Variants in SUGCT observed in about 807,000 individuals in gnomAD.
SUGCT encodes the protein succinyl-CoA:glutarate-CoA transferase.
A neutral mutation model predicts 55.0 loss-of-function variants in SUGCT; 41 were observed. That is an observed-to-expected ratio of 0.74 (90% CI 0.58 to 0.97). The LOEUF (loss-of-function observed/expected upper bound fraction) is 0.97. SUGCT is among the 50% of genes least tolerant of loss of function. The probability of loss-of-function intolerance (pLI) is 0.00; values close to 1 mark genes in which losing one functional copy is unlikely to be tolerated. For synonymous variants in SUGCT, 187 were observed against 200.4 expected, an observed-to-expected ratio of 0.93 and a Z score of 0.56; for missense variants, 568 against 547.8, an observed-to-expected ratio of 1.04 and a Z score of -0.37.
At chr7:40,694,884 G>A (rs1011721726) in intron 12 of SUGCT, among the ~76,000 whole-genome samples, 4 of 152,182 alleles carry the variant, frequency 2.6e-5, no homozygotes, top group Non-Finnish European at 5.9e-5. Flanking sequence ...TTTACACCAA[G>A]TGGCTAGAGA....
At chr7:40,844,753 C>T (rs934387414) in intron 13 of SUGCT, among the ~76,000 whole-genome samples, 9 of 152,248 alleles carry the variant, frequency 5.9e-5, no homozygotes, top group Non-Finnish European at 1.2e-4. Context: ...TCCCTGCCTC[C>T]TGTCTGTATC....
intron 9 of SUGCT, among the ~76,000 whole-genome samples, chr7:40,408,598 T>C (rs1346984032): frequency 6.6e-6 from 1 of 152,162 alleles, no homozygotes; most frequent in African/African-American, 2.4e-5. Flanking sequence ...ATCTCAGATT[T>C]ATAGAATTTT....
intron 9 of SUGCT, among the ~76,000 whole-genome samples, chr7:40,355,717 A>C (rs964601892): frequency 6.6e-5 from 10 of 152,240 alleles, no homozygotes; most frequent in African/African-American, 2.2e-4. Flanking sequence ...TGGGAGGATT[A>C]TATTTCACTT....
chr7:40,996,523 A>G, the SUGCT span, among the ~76,000 whole-genome samples: 37 of 152,302 alleles, frequency 2.4e-4, 1 homozygote, highest in South Asian at 7.7e-3. Flanking sequence ...GGCTGAAGGA[A>G]TGTTCCTTGA....
chr7:40,392,682 A>G (rs1785509148), intron 9 of SUGCT, among the ~76,000 whole-genome samples: 1 of 152,260 alleles, frequency 6.6e-6, no homozygotes. Flanking sequence ...TTTTAGGTAA[A>G]TTACTCTTGA....
At chr7:40,766,895 A>G (rs759545279) in intron 13 of SUGCT, among the ~76,000 whole-genome samples, 5 of 152,182 alleles carry the variant, frequency 3.3e-5, no homozygotes, top group Non-Finnish European at 4.4e-5. Context: ...AATTTGCACT[A>G]TGGGGAATTT....
the SUGCT span, among the ~76,000 whole-genome samples, chr7:41,030,132 T>A: frequency 6.6e-6 from 1 of 152,238 alleles, no homozygotes. Context: ...TGTATACACG[T>A]GCCACAGTTT....
chr7:40,854,981 A>G (rs1373566009), intron 13 of SUGCT, among the ~76,000 whole-genome samples: 1 of 151,836 alleles, frequency 6.6e-6, no homozygotes, highest in Non-Finnish European at 1.5e-5. Flanking sequence ...TGTAGTTTTT[A>G]GTAGACACTA....
chr7:40,386,762 G>T (rs1022223624), intron 9 of SUGCT, among the ~76,000 whole-genome samples: 2 of 152,164 alleles, frequency 1.3e-5, no homozygotes, highest in African/African-American at 2.4e-5. Context: ...GGGCCCAGGC[G>T]CTCTTAATGG....
At chr7:40,233,564 G>A (rs1057037947) in intron 6 of SUGCT, among the ~76,000 whole-genome samples, 9 of 152,046 alleles carry the variant, frequency 5.9e-5, no homozygotes, top group Non-Finnish European at 1.0e-4. Flanking sequence ...AAGATTCCAC[G>A]TACAAAATAT....
the SUGCT span, among the ~76,000 whole-genome samples, chr7:40,958,539 G>A: frequency 7.2e-5 from 11 of 151,770 alleles, no homozygotes; most frequent in African/African-American, 2.7e-4. Context: ...CTCTAAACTG[G>A]TTATTCTAGT....
chr7:40,353,440 C>A (rs563273639), intron 9 of SUGCT, among the ~76,000 whole-genome samples: 200 of 152,120 alleles, frequency 1.3e-3, no homozygotes, highest in African/African-American at 4.7e-3. Context: ...TGAAGGGTAC[C>A]TGATTAAGGG....
chr7:40,595,579 G>GC (rs1797969195), intron 12 of SUGCT, among the ~76,000 whole-genome samples: 1 of 151,446 alleles, frequency 6.6e-6, no homozygotes, highest in South Asian at 2.1e-4. Flanking sequence ...CCTTTATGTT[G>GC]TGTATCTCAA....
At chr7:40,867,041 G>C in the SUGCT span, among the ~76,000 whole-genome samples, 2 of 151,740 alleles carry the variant, frequency 1.3e-5, no homozygotes, top group African/African-American at 4.8e-5. Context: ...GACTCTGACA[G>C]TTGTCAGAGT....
At chr7:40,863,018 C>T (rs1016212413), downstream of SUGCT, among the ~76,000 whole-genome samples, 2 of 143,646 alleles carry the variant, frequency 1.4e-5, no homozygotes, top group South Asian at 2.3e-4. Flanking sequence ...GCACCTGGAT[C>T]GCTTGAAGTC....
chr7:40,840,014 G>A (rs1332993568), intron 13 of SUGCT, among the ~76,000 whole-genome samples: 2 of 152,060 alleles, frequency 1.3e-5, no homozygotes, highest in African/African-American at 4.8e-5. Flanking sequence ...TTATGGGTGA[G>A]AGCCAGCTTA....
At chr7:40,221,858 A>C (rs1252659465) in intron 6 of SUGCT, among the ~76,000 whole-genome samples, 1 of 152,202 alleles carries the variant, frequency 6.6e-6, no homozygotes, top group African/African-American at 2.4e-5. Flanking sequence ...AGTTCTATAA[A>C]ATTTATAATC....
chr7:40,824,648 G>A (rs1226304505), intron 13 of SUGCT, among the ~76,000 whole-genome samples: 2 of 152,186 alleles, frequency 1.3e-5, no homozygotes, highest in Non-Finnish European at 2.9e-5. Context: ...ACCAAAGAAT[G>A]AGTAATATAT....
chr7:40,989,066 A>G, the SUGCT span, among the ~76,000 whole-genome samples: 4 of 152,154 alleles, frequency 2.6e-5, no homozygotes, highest in African/African-American at 7.2e-5. Flanking sequence ...AGCATTATGT[A>G]TAAAAAACAA....
Sources: allele counts gnomAD v4.1 joint callset (sites outside exome capture counted in the v4.1 genomes callset), GRCh38; gene constraint gnomAD v4.1.1; transcripts MANE v1.5; gene names NCBI Gene and HGNC (gene_info 2026-07-23, HGNC 2026-07-21).